The following MAT1A variants were observed in gnomAD, a reference collection of about 807,000 sequenced individuals.
MAT1A encodes S-adenosylmethionine synthase isoform type-1.
MAT1A carries 19 observed loss-of-function variants against 44.0 expected under a neutral mutation model. The observed-to-expected ratio is 0.43, with a 90% CI of 0.30 to 0.63. MAT1A has a LOEUF of 0.63. Ranked by LOEUF, MAT1A falls within the 30% of genes least tolerant of loss-of-function variation. The pLI is 0.12. For missense variants in MAT1A, 397 were observed against 531.0 expected (o/e 0.75, Z 2.48); for synonymous variants, 205 against 205.6 (o/e 1.00, Z 0.03).
At chr10:80,274,263 G>A (rs1201510847) in intron 8 of MAT1A, among the ~76,000 whole-genome samples, 4 of 152,108 alleles carry the variant, frequency 2.6e-5, no homozygotes, top group African/African-American at 7.2e-5. Context: ...TAAGATCCCC[G>A]CCTGCCTCCC....
At chr10:80,286,357 C>A (rs1841650399) in intron 1 of MAT1A, among the ~76,000 whole-genome samples, 2 of 152,128 alleles carry the variant, frequency 1.3e-5, no homozygotes, top group South Asian at 4.1e-4. Context: ...CCACAAGATG[C>A]AATGCACCGT....
Position 80,280,331 on chromosome 10 carries a change from C to G in MAT1A, c.406-15G>C, listed in dbSNP as rs767900678. The G allele has an allele frequency of 6.6e-5, 106 of 1,613,478 alleles. No individual in the cohort carries two copies. Among genetic ancestry groups the G allele is most frequent in the Non-Finnish European group, 8.6e-5 (102 of 1,179,946 alleles). ...AACATCAAACCCTGTGGCGAGAGAG[C>G]AGGCTGAGCGGCGCCCACCCTAGAC... On this transcript the variant is annotated splice_polypyrimidine_tract_variant and intron_variant, in intron 4 of 8. Coordinates refer to ENST00000372213, the MANE Select transcript of MAT1A (RefSeq NM_000429.3).
chr10:80,289,250 C>CA, intron 1 of MAT1A, 83 bp downstream of exon 1: 5 of 1,109,776 alleles, frequency 4.5e-6, no homozygotes, highest in African/African-American at 1.5e-5. Context: ...TATTATGTGT[C>CA]AAATTAAAAC....
chr10:80,276,682 G>A (rs1472836253), intron 5 of MAT1A, 88 bp from the exon 6 acceptor site: 4 of 1,355,558 alleles, frequency 3.0e-6, no homozygotes, highest in Admixed American at 1.7e-5. Context: ...CCAGGAGGTG[G>A]GCAGGGCTCC....
chr10:80,273,883 C>A lies in MAT1A; in HGVS notation c.1086G>T (p.Arg362Ser). The A allele has an allele frequency of 6.3e-7, 1 of 1,595,458 alleles. No individual in the cohort carries two copies. Among genetic ancestry groups the A allele is most frequent in the Non-Finnish European group, 8.6e-7 (1 of 1,163,508 alleles). ...AGATGGGCTTCTTCAAGTCCAAATC[C>A]CTGCATGTCCAGCAGAAAGGAAGGG... is the stretch of plus-strand genomic sequence containing the variant. ...NFDLRPGVIV[R>S]DLDLKKPIYQ... Residue 362 changes from arginine to serine, a missense_variant and splice_region_variant, in exon 9 of 9, where the codon AGG (arginine) becomes AGT (serine). Physicochemically the swap from Arg to Ser is moderately radical, Grantham distance 110. Coordinates refer to ENST00000372213, the MANE Select transcript of MAT1A (RefSeq NM_000429.3).
rs1178293430 is a variant in MAT1A, at chr10:80,289,596, G to A, written c.-173C>T. 4.5e-6 allele frequency: 3 copies of A among 667,684 alleles called. No individual in the cohort carries two copies. Among genetic ancestry groups the A allele is most frequent in the African/African-American group, 3.6e-5 (2 of 56,152 alleles). 41.4% of individuals were successfully genotyped at this position (667,684 alleles called of 1,614,324 possible). On this transcript the variant is annotated 5_prime_UTR_variant, in exon 1 of 9. Transcript: ENST00000372213. ...CCTGTGAGCACGTGAGAACAGGCGAGGACTGCTGAGAAGGGAGGGAGTGGA... is the reference window on the plus strand; with the variant it reads ...CCTGTGAGCACGTGAGAACAGGCGAAGACTGCTGAGAAGGGAGGGAGTGGA...
intron 1 of MAT1A, among the ~76,000 whole-genome samples, chr10:80,286,637 G>C (rs1027160318): frequency 6.6e-6 from 1 of 152,184 alleles, no homozygotes; most frequent in African/African-American, 2.4e-5. Flanking sequence ...AAAATGTAAA[G>C]CACTAAATGG....
At position 80,274,630 on chromosome 10, in the gene MAT1A, G is replaced by A. The variant is rs145017867; in HGVS notation, c.975C>T (p.Ala325=). 2.3e-5 allele frequency: 37 copies of A among 1,613,934 alleles called. No individual in the cohort carries two copies. Among genetic ancestry groups the A allele is most frequent in the Non-Finnish European group, 3.0e-5 (35 of 1,180,032 alleles). ...TGAAGATGGAAATGGACAGCGGCTC[G>A]GCCACACCAATGGCATAGGAAACCT... ...LVQVSYAIGV[A]EPLSISIFTY... is the part of the protein sequence containing the mutation. Residue 325 remains alanine (A), a synonymous_variant, in exon 8 of 9, where the codon GCC becomes GCT. Transcript: ENST00000372213.
At chr10:80,279,941 G>A (rs544812888) in intron 5 of MAT1A, among the ~76,000 whole-genome samples, 6 of 152,108 alleles carry the variant, frequency 3.9e-5, no homozygotes, top group African/African-American at 9.6e-5. Flanking sequence ...CAAAAAAAAC[G>A]GAACTATTCT....
Position 80,273,834 on chromosome 10 carries a change from G to A in MAT1A, c.1135C>T (p.His379Tyr). 2 of 1,613,928 alleles carry A rather than the reference G, an allele frequency of 1.2e-6. No individual in the cohort carries two copies. Among genetic ancestry groups the A allele is most frequent in the Non-Finnish European group, 1.7e-6 (2 of 1,179,846 alleles). The change falls in exon 9 of 9, where the codon CAT (histidine) becomes TAT (tyrosine). Residue 379 changes from histidine (H) to tyrosine (Y), a missense_variant. Coordinates refer to ENST00000372213, the MANE Select transcript of MAT1A (RefSeq NM_000429.3). ...PIYQKTACYGHFGRSEFPWEV... is the reference protein window; with the variant it reads ...PIYQKTACYGYFGRSEFPWEV... Reference sequence around the variant, plus strand: ...CATGGGAACTCGCTTCTTCCGAAATGGCCGTAGCATGCTGTCTTCTGGTAG... The same window carrying A: ...CATGGGAACTCGCTTCTTCCGAAATAGCCGTAGCATGCTGTCTTCTGGTAG...
chr10:80,276,859 C>T (rs1334997959), intron 5 of MAT1A, among the ~76,000 whole-genome samples: 1 of 152,230 alleles, frequency 6.6e-6, no homozygotes, highest in Non-Finnish European at 1.5e-5. Flanking sequence ...AGTTTCCTCT[C>T]AACTTCTGAC....
In MAT1A at chr10:80,276,314, G is replaced by A. The variant is rs957496434; in HGVS notation, c.768+62C>T. On this transcript the variant is annotated intron_variant, in intron 6 of 8. Coordinates refer to ENST00000372213, the MANE Select transcript of MAT1A (RefSeq NM_000429.3). The stretch of plus-strand genomic sequence containing the variant: ...CTATCTCTTGAGGTTTTCCTGCTCT[G>A]AGACATAAGCAACCCCAGTAACAAA... 5.2e-6 allele frequency: 8 copies of A among 1,548,414 alleles called. No homozygotes were observed. In the East Asian group the frequency reaches 1.8e-4, roughly 35 times the overall value.
At chr10:80,276,660 A>G (rs1841490542) in intron 5 of MAT1A, 66 bp from the exon 6 acceptor site, 1 of 1,524,328 alleles carries the variant, frequency 6.6e-7, no homozygotes, top group Admixed American at 1.7e-5. Flanking sequence ...CATCGTGGCC[A>G]GACACAGGCA....
chr10:80,286,331 C>T (rs1387461031), intron 1 of MAT1A, among the ~76,000 whole-genome samples: 1 of 152,156 alleles, frequency 6.6e-6, no homozygotes, highest in Middle Eastern at 3.2e-3. Context: ...CAAACAGCTG[C>T]ATTGCATGGC....
intron 3 of MAT1A, among the ~76,000 whole-genome samples, chr10:80,281,040 A>G (rs930563195): frequency 6.6e-6 from 1 of 152,196 alleles, no homozygotes; most frequent in African/African-American, 2.4e-5. Flanking sequence ...GTGCTCAATT[A>G]GACCTTGGTT....
chr10:80,276,300 G>T, intron 6 of MAT1A, 76 bp downstream of exon 6: 1 of 1,459,746 alleles, frequency 6.9e-7, no homozygotes, highest in Non-Finnish European at 9.6e-7. Flanking sequence ...TATCTCTTGA[G>T]GTTTTCCTGC....
intron 2 of MAT1A, 113 bp downstream of exon 2, chr10:80,285,399 G>C (rs1841635367): frequency 1.2e-6 from 1 of 845,446 alleles, no homozygotes; most frequent in Admixed American, 1.7e-5. Flanking sequence ...CTGCAGAGCA[G>C]AGGACATGGA....
intron 5 of MAT1A, among the ~76,000 whole-genome samples, chr10:80,279,023 G>A (rs4934028): frequency 0.51 from 77,849 of 152,058 alleles, 21,028 homozygotes; most frequent in African/African-American, 0.69. Flanking sequence ...GGCAGGCAGA[G>A]GCAGGTAAAG....
intron 5 of MAT1A, among the ~76,000 whole-genome samples, chr10:80,279,688 G>A (rs151064665): frequency 5.3e-4 from 81 of 152,032 alleles, no homozygotes; most frequent in African/African-American, 1.6e-3. Context: ...AACAACAGAC[G>A]TAAAGCCTTT....
Sources: gnomAD v4.1 joint callset for allele counts (sites outside exome capture counted in the v4.1 genomes callset) on GRCh38, gnomAD v4.1.1 for gene constraint, MANE v1.5 for transcripts, NCBI Gene and HGNC (gene_info 2026-07-23, HGNC 2026-07-21) for gene names.